The following CCDC144A variants were observed in gnomAD, a reference collection of about 807,000 sequenced individuals.
CCDC144A encodes coiled-coil domain-containing protein 144A.
Under a neutral mutation model 143.8 loss-of-function variants are expected in CCDC144A, and 41 were observed. The ratio of observed to expected loss-of-function variants is 0.29; its 90% CI spans 0.22 to 0.37. The LOEUF (loss-of-function observed/expected upper bound fraction) is 0.37. Ranked by LOEUF, CCDC144A falls within the 10% of genes least tolerant of loss-of-function variation. The pLI is 1.00. For missense variants in CCDC144A, 637 were observed against 1,488.8 expected (o/e 0.43, Z 9.41); for synonymous variants, 242 against 517.9 (o/e 0.47, Z 7.23).
chr17:16,755,800 A>T (rs867669548), intron 12 of CCDC144A, among the ~76,000 whole-genome samples: 1 of 152,220 alleles, frequency 6.6e-6, no homozygotes, highest in Admixed American at 6.5e-5. Context: ...AGCTCAAGCA[A>T]TCCCCCCACC....
rs1597600084 is a variant in CCDC144A, at chr17:16,771,717, CTT to C, written c.4099-257_4099-256del. Reference sequence around the variant, plus strand: ...TGTACTAATAAGGGAAAACATCACACTTTTGAAATGACATAGCTCCAACAGAC... The same window carrying C: ...TGTACTAATAAGGGAAAACATCACACTTGAAATGACATAGCTCCAACAGAC... On this transcript the variant is annotated intron_variant, in intron 15 of 16. Coordinates refer to ENST00000399273, the MANE Select transcript of CCDC144A (RefSeq NM_001382000.1). Among the ~76,000 whole-genome samples the C allele has an allele frequency of 2.0e-5, 3 of 152,350 alleles. No individual in the cohort carries two copies. The East Asian group carries it at 5.8e-4, about 29-fold the overall frequency.
chr17:16,679,093 G>A, the CCDC144A span, among the ~76,000 whole-genome samples: 1 of 151,900 alleles, frequency 6.6e-6, no homozygotes, highest in Non-Finnish European at 1.5e-5. Flanking sequence ...GATGGCGGGG[G>A]GGGGTCTCAC....
At chr17:16,756,684 C>T (rs1455875678) in intron 12 of CCDC144A, among the ~76,000 whole-genome samples, 2 of 150,938 alleles carry the variant, frequency 1.3e-5, no homozygotes, top group Non-Finnish European at 2.9e-5. Context: ...TTGGAGGTGT[C>T]ATGTTTCTTT....
At chr17:16,757,394 C>G (rs1420065940) in intron 12 of CCDC144A, among the ~76,000 whole-genome samples, 2 of 152,212 alleles carry the variant, frequency 1.3e-5, no homozygotes, top group Middle Eastern at 3.2e-3. Flanking sequence ...TGAGGCAGCC[C>G]TGTCTTTATG....
chr17:16,686,460 TG>T (rs200335092), upstream of CCDC144A, among the ~76,000 whole-genome samples: 2 of 152,060 alleles, frequency 1.3e-5, no homozygotes, highest in African/African-American at 4.8e-5. Flanking sequence ...CCATTTTTTT[TG>T]TTGCCAGTGG....
intron 11 of CCDC144A, among the ~76,000 whole-genome samples, chr17:16,733,201 A>ATAAACTTGG (rs1463880222): frequency 1.3e-5 from 2 of 150,092 alleles, no homozygotes; most frequent in South Asian, 2.1e-4. Context: ...ATGCCATAAT[A>ATAAACTTGG]TAAACTTGGT....
At chr17:16,764,309 A>G (rs1915508369) in intron 15 of CCDC144A, 134 bp downstream of exon 15, 1 of 1,473,620 alleles carries the variant, frequency 6.8e-7, no homozygotes, top group Non-Finnish European at 9.0e-7. Context: ...AAGAGAGGAG[A>G]CAGAAATTTT....
At chr17:16,718,937 T>G (rs1216245557) in intron 6 of CCDC144A, among the ~76,000 whole-genome samples, 1 of 130,736 alleles carries the variant, frequency 7.6e-6, no homozygotes, top group Non-Finnish European at 1.6e-5. Context: ...GTTCAGGCGA[T>G]TCTCCTGTCT....
At chr17:16,726,565 T>C (rs907565107) in intron 8 of CCDC144A, among the ~76,000 whole-genome samples, 5 of 151,952 alleles carry the variant, frequency 3.3e-5, no homozygotes, top group African/African-American at 1.2e-4. Flanking sequence ...ACTCTATTCA[T>C]TGCCATGCGA....
At chr17:16,761,349 A>G (rs1915357155) in intron 12 of CCDC144A, 76 bp from the exon 13 acceptor site, 1 of 1,503,494 alleles carries the variant, frequency 6.7e-7, no homozygotes, top group Middle Eastern at 2.4e-4. Context: ...AAAAAAAAAA[A>G]AAATTATTAG....
intron 6 of CCDC144A, among the ~76,000 whole-genome samples, chr17:16,716,241 C>CA (rs937197840): frequency 4.9e-4 from 74 of 152,206 alleles, no homozygotes; most frequent in African/African-American, 1.7e-3. Flanking sequence ...AACAAACAAA[C>CA]AAAAAACAAT....
chr17:16,670,405 A>G, the CCDC144A span, among the ~76,000 whole-genome samples: 1 of 147,948 alleles, frequency 6.8e-6, no homozygotes. Context: ...CTCCTGCCTC[A>G]GCCTCCTGAG....
chr17:16,734,280 A>C (rs2143245709), intron 11 of CCDC144A, among the ~76,000 whole-genome samples: 1 of 152,326 alleles, frequency 6.6e-6, no homozygotes, highest in Non-Finnish European at 1.5e-5. Flanking sequence ...AACTTAAAGA[A>C]CGTTGGAACA....
In CCDC144A at chr17:16,707,569, A is replaced by T. The variant is rs9890659; in HGVS notation, c.738+27A>T. ...TGTGGAAACATTTAAACTAAAATCT[A>T]AATTTCTGGTTTAATACTCTTTTCT... On this transcript the variant is annotated intron_variant, in intron 4 of 16. Transcript: ENST00000399273. The T allele has an allele frequency of 4.5e-5, 67 of 1,477,074 alleles. No individual in the cohort carries two copies. In the African/African-American group the frequency reaches 7.7e-4, roughly 17 times the overall value. The allele number at this position is 1,477,074 out of a possible 1,614,324, so 91.5% of individuals were successfully genotyped here. A position where few individuals can be genotyped will look rare whatever the true frequency, so the allele number is the denominator to read the frequency against.
rs368485402 is a variant in CCDC144A at position 16,746,344 on chromosome 17, T to TC, written c.3372+10702dup. The TC allele has an allele frequency of 0.011, 12,639 of 1,108,468 alleles. 1,131 individuals are homozygous for TC. The African/African-American group carries it at 0.19, about 17-fold the overall frequency. The allele number at this position is 1,108,468 out of a possible 1,614,324, so 68.7% of individuals were successfully genotyped here. ...CCCGCAAACGTTTATTTTCTAACTC[T>TC]CTCCTCCGTTCTTCTCGCTTCTCTT... On this transcript the variant is annotated intron_variant, in intron 12 of 16. Transcript: ENST00000399273.
intron 2 of CCDC144A, among the ~76,000 whole-genome samples, chr17:16,700,239 T>G (rs904121119): frequency 2.0e-5 from 3 of 152,230 alleles, no homozygotes; most frequent in African/African-American, 7.2e-5. Context: ...CCTGTGTAGC[T>G]AGCAGGATAT....
rs763767561 is a variant in CCDC144A at position 16,734,698 on chromosome 17, T to C, written c.2427T>C (p.His809=). The change falls in exon 12 of 17, where the codon CAT becomes CAC. Residue 809 remains histidine, a synonymous_variant. Transcript: ENST00000399273. ...TTTCCTTTCTTACTTAGATTTCTCA[T>C]AGGCATCAGAAAGAAAAGGATCTCT... The part of the protein sequence containing the change: ...ARKKMNSEIS[H]RHQKEKDLFH... 18 of 1,555,230 alleles carry C rather than the reference T, an allele frequency of 1.2e-5. No individual in the cohort carries two copies. The highest frequency in any genetic ancestry group is 8.7e-5 in the South Asian group (7 of 80,674).
intron 15 of CCDC144A, among the ~76,000 whole-genome samples, chr17:16,768,318 A>T (rs1024118563): frequency 5.3e-5 from 8 of 152,100 alleles, no homozygotes; most frequent in Non-Finnish European, 1.0e-4. Context: ...TTAATACCAA[A>T]CAGGTCCTAT....
intron 8 of CCDC144A, 32 bp downstream of exon 8, chr17:16,720,690 GATGT>G (rs1403238771): frequency 6.5e-7 from 1 of 1,532,416 alleles, no homozygotes; most frequent in Non-Finnish European, 8.7e-7. Context: ...AAGGCCTTTT[GATGT>G]ATCCTGCAGT....
Sources: gnomAD v4.1 joint callset for allele counts (sites outside exome capture counted in the v4.1 genomes callset) on GRCh38, gnomAD v4.1.1 for gene constraint, MANE v1.5 for transcripts, NCBI Gene and HGNC (gene_info 2026-07-23, HGNC 2026-07-21) for gene names.